PTPRJ: variants seen among roughly 807,000 people sequenced by gnomAD.
PTPRJ encodes the protein protein tyrosine phosphatase receptor type J, also known as receptor-type tyrosine-protein phosphatase eta.
In PTPRJ, 129 loss-of-function variants were observed where a neutral mutation model predicts 141.3. That is an observed-to-expected ratio of 0.91 (90% CI 0.79 to 1.06). The LOEUF is 1.06. PTPRJ is among the 50% of genes least tolerant of loss of function. The pLI is 0.00. For missense variants in PTPRJ, 1,601 were observed against 1,679.7 expected (o/e 0.95, Z 0.82); for synonymous variants, 610 against 640.5 (o/e 0.95, Z 0.72).
chr11:48,144,397 G>A (rs1857303804), intron 12 of PTPRJ, among the ~76,000 whole-genome samples: 1 of 152,184 alleles, frequency 6.6e-6, no homozygotes, highest in South Asian at 2.1e-4. Flanking sequence ...CTCATAGGCA[G>A]TGTGACCTTG....
At chr11:48,026,239 G>GTTC (rs1432377844) in intron 1 of PTPRJ, among the ~76,000 whole-genome samples, 4 of 152,182 alleles carry the variant, frequency 2.6e-5, no homozygotes, top group Admixed American at 1.3e-4. Flanking sequence ...TAGTGACTTA[G>GTTC]ACACTTGATG....
intron 1 of PTPRJ, among the ~76,000 whole-genome samples, chr11:48,018,832 T>C (rs1382286137): frequency 6.6e-6 from 1 of 152,216 alleles, no homozygotes; most frequent in African/African-American, 2.4e-5. Flanking sequence ...GACCACAGTT[T>C]TCATTCATGC....
intron 1 of PTPRJ, among the ~76,000 whole-genome samples, chr11:48,040,567 C>T (rs1372409354): frequency 6.6e-6 from 1 of 151,916 alleles, no homozygotes; most frequent in Non-Finnish European, 1.5e-5. Context: ...CAGGTGACTG[C>T]TCACCTCTCC....
chr11:48,015,447 C>A (rs921091579), intron 1 of PTPRJ, among the ~76,000 whole-genome samples: 1 of 152,068 alleles, frequency 6.6e-6, no homozygotes, highest in Non-Finnish European at 1.5e-5. Flanking sequence ...CCCTCCATCC[C>A]GCTTTATTAT....
At chr11:48,163,374 C>T (rs1857833062) in intron 22 of PTPRJ, 84 bp from the exon 23 acceptor site, 2 of 1,350,640 alleles carry the variant, frequency 1.5e-6, no homozygotes, top group Non-Finnish European at 2.1e-6. Context: ...GGTTAGTACT[C>T]AGGCTCTGCT....
Position 48,068,715 on chromosome 11 carries a change from A to G in PTPRJ, c.97-41343A>G, listed in dbSNP as rs369238389. 1.2e-3 allele frequency among the ~76,000 whole-genome samples: 185 copies of G among 152,344 alleles called. 10 individuals are homozygous for G. The South Asian group carries it at 0.037, about 31-fold the overall frequency. On this transcript the variant is annotated intron_variant, in intron 1 of 24. Transcript: ENST00000418331. ...TTAAGATAGAAGAGCGAGCTCAGGC[A>G]GAGGAACACAGAGCCAGGATGGTCC...
intron 7 of PTPRJ, among the ~76,000 whole-genome samples, chr11:48,129,927 G>C (rs577080135): frequency 2.0e-5 from 3 of 152,090 alleles, no homozygotes; most frequent in Non-Finnish European, 2.9e-5. Flanking sequence ...CTCATGCTTC[G>C]TTGAGCAAAA....
intron 1 of PTPRJ, among the ~76,000 whole-genome samples, chr11:48,025,940 G>C (rs996970156): frequency 6.6e-6 from 1 of 152,148 alleles, no homozygotes; most frequent in African/African-American, 2.4e-5. Context: ...TTCCTGGAAT[G>C]CTCATCCCCC....
intron 1 of PTPRJ, among the ~76,000 whole-genome samples, chr11:48,038,973 A>C (rs1210048547): frequency 1.4e-5 from 2 of 145,962 alleles, no homozygotes; most frequent in African/African-American, 5.1e-5. Context: ...ACATGGTGAA[A>C]CCCCCGTCTC....
At chr11:47,985,899 C>T (rs1044030647) in intron 1 of PTPRJ, among the ~76,000 whole-genome samples, 3 of 152,066 alleles carry the variant, frequency 2.0e-5, no homozygotes, top group Non-Finnish European at 4.4e-5. Flanking sequence ...TGAGGTTTCG[C>T]CATGTTGACC....
intron 1 of PTPRJ, among the ~76,000 whole-genome samples, chr11:48,098,978 C>T (rs989927526): frequency 6.6e-6 from 1 of 152,214 alleles, no homozygotes; most frequent in Non-Finnish European, 1.5e-5. Context: ...TATCTTCTCT[C>T]GAACATCTGC....
At chr11:48,125,484 A>G (rs1347497220) in intron 6 of PTPRJ, among the ~76,000 whole-genome samples, 2 of 152,224 alleles carry the variant, frequency 1.3e-5, no homozygotes, top group Non-Finnish European at 2.9e-5. Flanking sequence ...ACAAACTGGC[A>G]TCATACTTTC....
At chr11:48,047,024 T>C (rs961524599) in intron 1 of PTPRJ, among the ~76,000 whole-genome samples, 1 of 150,282 alleles carries the variant, frequency 6.7e-6, no homozygotes, top group African/African-American at 2.4e-5. Flanking sequence ...TAAGTGATTC[T>C]CTTGCCTCAG....
chr11:48,053,492 A>G (rs1169181103), intron 1 of PTPRJ, among the ~76,000 whole-genome samples: 1 of 114,866 alleles, frequency 8.7e-6, no homozygotes, highest in Non-Finnish European at 1.6e-5. Context: ...TATATAAAAT[A>G]TATATATAAC....
At chr11:48,149,359 C>G (rs1857423664) in intron 15 of PTPRJ, 88 bp from the exon 16 acceptor site, 1 of 887,524 alleles carries the variant, frequency 1.1e-6, no homozygotes, top group African/African-American at 1.7e-5. Context: ...ACCTTTATTT[C>G]ATAGATGACA....
At chr11:48,021,524 G>C (rs1855124827) in intron 1 of PTPRJ, among the ~76,000 whole-genome samples, 1 of 152,136 alleles carries the variant, frequency 6.6e-6, no homozygotes, top group African/African-American at 2.4e-5. Flanking sequence ...GGGTTGGAAA[G>C]GAAGCCAAAA....
In PTPRJ at chr11:48,130,552, T is replaced by C; in HGVS notation, c.1451T>C (p.Met484Thr). Residue 484 changes from methionine to threonine, a missense_variant, in exon 8 of 25, where the codon ATG becomes ACG. Physicochemically the swap from Met to Thr is moderately conservative, Grantham distance 81 (BLOSUM62 -1). Coordinates refer to ENST00000418331, the MANE Select transcript of PTPRJ (RefSeq NM_002843.4). ...AGCCATGATGCAGAATCATTTCAGATGCATATCACACAGGAGGGAGCTGGC... is the reference window on the plus strand; with the variant it reads ...AGCCATGATGCAGAATCATTTCAGACGCATATCACACAGGAGGGAGCTGGC... ...WSSHDAESFQ[M>T]HITQEGAGNS... 5.0e-6 allele frequency: 8 copies of C among 1,614,148 alleles called. No individual in the cohort carries two copies. Among genetic ancestry groups the C allele is most frequent in the Non-Finnish European group, 5.9e-6 (7 of 1,180,026 alleles).
At chr11:48,144,174 C>T (rs1214396347) in intron 12 of PTPRJ, among the ~76,000 whole-genome samples, 1 of 152,080 alleles carries the variant, frequency 6.6e-6, no homozygotes, top group Non-Finnish European at 1.5e-5. Flanking sequence ...GGTGCCATAA[C>T]CTGTGGCAAA....
intron 18 of PTPRJ, among the ~76,000 whole-genome samples, chr11:48,150,439 G>C (rs1484768548): frequency 2.6e-5 from 4 of 152,208 alleles, no homozygotes; most frequent in Non-Finnish European, 2.9e-5. Flanking sequence ...AGGGGTTGTT[G>C]CGCTCCAAAC....
Sources: allele counts gnomAD v4.1 joint callset (sites outside exome capture counted in the v4.1 genomes callset), GRCh38; gene constraint gnomAD v4.1.1; transcripts MANE v1.5; gene names NCBI Gene and HGNC (gene_info 2026-07-23, HGNC 2026-07-21).